The following TBX5 variants were observed in gnomAD, a reference collection of about 807,000 sequenced individuals.
TBX5 encodes the protein T-box transcription factor 5, also known as T-box transcription factor TBX5.
A neutral mutation model predicts 51.1 loss-of-function variants in TBX5; 8 were observed. The ratio of observed to expected loss-of-function variants is 0.16; its 90% CI spans 0.09 to 0.28. The LOEUF (loss-of-function observed/expected upper bound fraction) is 0.28, where lower values mean the gene tolerates loss of function less well. Among genes scored for constraint, TBX5 ranks in the 10% least tolerant of loss-of-function variants. The pLI is 1.00. For missense variants in TBX5, 589 were observed against 671.7 expected, an observed-to-expected ratio of 0.88 and a Z score of 1.36; for synonymous variants, 302 against 266.4, an observed-to-expected ratio of 1.13 and a Z score of -1.30.
At chr12:114,392,651 T>C (rs1402666344) in intron 6 of TBX5, among the ~76,000 whole-genome samples, 4 of 152,178 alleles carry the variant, frequency 2.6e-5, no homozygotes, top group Non-Finnish European at 5.9e-5. Context: ...TCATATATTT[T>C]TGGACCCCAG....
chr12:114,366,965 C>T (rs1334882480), intron 7 of TBX5, among the ~76,000 whole-genome samples: 1 of 152,172 alleles, frequency 6.6e-6, no homozygotes, highest in Non-Finnish European at 1.5e-5. Flanking sequence ...ATATACTTAA[C>T]TTCTCCATAC....
At chr12:114,403,372 T>C (rs1415078019) in intron 2 of TBX5, among the ~76,000 whole-genome samples, 2 of 152,154 alleles carry the variant, frequency 1.3e-5, no homozygotes, top group Non-Finnish European at 2.9e-5. Context: ...GCCGCTGACC[T>C]GGCCCTTATT....
In TBX5 at chr12:114,378,244, G is replaced by A. The variant is rs117279828; in HGVS notation, c.755+7232C>T. Among the ~76,000 whole-genome samples, 7 of 152,280 alleles carry A rather than the reference G, an allele frequency of 4.6e-5. No individual in the cohort carries two copies. In the East Asian group the frequency reaches 1.4e-3, roughly 29 times the overall value. ...CATTGCTCATGGTCATTCTGTGTGAGGTGAGCTAAGAAATACCGAGATGAA... is the reference window on the plus strand; with the variant it reads ...CATTGCTCATGGTCATTCTGTGTGAAGTGAGCTAAGAAATACCGAGATGAA... On this transcript the variant is annotated intron_variant, in intron 7 of 8. Coordinates refer to ENST00000405440, the MANE Select transcript of TBX5 (RefSeq NM_181486.4).
In TBX5 at chr12:114,401,901, A is replaced by T. The variant is rs1287994219; in HGVS notation, c.167T>A (p.Val56Glu). ...FTQQGMEGIK[V>E]FLHERELWLK... is the part of the protein sequence containing the mutation. ...CCACAGTTCTCTTTCATGGAGAAAC[A>T]CTTTGATTCCCTCCATGCCCTGCAA... The change falls in exon 3 of 9, where the codon GTG becomes GAG. Residue 56 changes from valine (V) to glutamate (E), a missense_variant. By Grantham distance (121) the Val-to-Glu change is moderately radical. This residue lies in a region of TBX5 where 101 missense variants were observed against 83.3 expected (regional missense o/e 1.21). Coordinates refer to ENST00000405440, the MANE Select transcript of TBX5 (RefSeq NM_181486.4). The T allele has an allele frequency of 3.1e-6, 5 of 1,614,160 alleles. No homozygotes were observed. The highest frequency in any genetic ancestry group is 4.2e-6 in the Non-Finnish European group (5 of 1,180,016).
chr12:114,404,901 C>G (rs1009434154), intron 1 of TBX5, among the ~76,000 whole-genome samples: 3 of 152,214 alleles, frequency 2.0e-5, no homozygotes, highest in African/African-American at 7.2e-5. Flanking sequence ...AGCCCGGGTC[C>G]CCGCAATGCA....
intron 7 of TBX5, among the ~76,000 whole-genome samples, chr12:114,368,281 G>A (rs763909549): frequency 6.6e-6 from 1 of 152,162 alleles, no homozygotes; most frequent in Non-Finnish European, 1.5e-5. Flanking sequence ...GCTGCAGTGA[G>A]CTATGACTGC....
At position 114,355,301 on chromosome 12, in the gene TBX5, G is replaced by GT; in HGVS notation, c.*230dup. On this transcript the variant is annotated 3_prime_UTR_variant, in exon 9 of 9. Coordinates refer to ENST00000405440, the MANE Select transcript of TBX5 (RefSeq NM_181486.4). ...TGGGGGGTGGGACTCATCTTTTTGT[G>GT]TTTGTTTTTTTAAGTTTTGAGACAA... The GT allele has an allele frequency of 3.2e-6, 2 of 633,566 alleles. No homozygotes were observed. Among genetic ancestry groups the GT allele is most frequent in the Non-Finnish European group, 5.7e-6 (2 of 349,864 alleles). The allele number at this position is 633,566 out of a possible 1,614,324, so 39.2% of individuals were successfully genotyped here.
chr12:114,384,706 AAAAAG>A (rs1042858965), intron 7 of TBX5, among the ~76,000 whole-genome samples: 7 of 108,714 alleles, frequency 6.4e-5, no homozygotes, highest in African/African-American at 1.6e-4. Flanking sequence ...CCAAACAGAA[AAAAAG>A]AAAACACACA....
chr12:114,375,400 T>C (rs1462881975), intron 7 of TBX5, among the ~76,000 whole-genome samples: 1 of 152,090 alleles, frequency 6.6e-6, no homozygotes, highest in Non-Finnish European at 1.5e-5. Flanking sequence ...CTACCAAAAG[T>C]TTGAGAAACA....
intron 6 of TBX5, among the ~76,000 whole-genome samples, chr12:114,386,406 G>A (rs1012267511): frequency 1.3e-5 from 2 of 152,208 alleles, no homozygotes; most frequent in Non-Finnish European, 2.9e-5. Flanking sequence ...AAAATTGCGT[G>A]TGAACTGAAT....
chr12:114,399,365 A>T (rs890342481), intron 4 of TBX5, 148 bp downstream of exon 4: 1 of 1,174,332 alleles, frequency 8.5e-7, no homozygotes, highest in African/African-American at 1.5e-5. Context: ...AATGGTTAGT[A>T]AAAAGCAATG....
At chr12:114,366,462 G>A in intron 7 of TBX5, 71 bp from the exon 8 acceptor site, 1 of 1,484,936 alleles carries the variant, frequency 6.7e-7, no homozygotes, top group South Asian at 1.1e-5. Context: ...GCTGAACCAG[G>A]TGTGAGAGAA....
intron 7 of TBX5, among the ~76,000 whole-genome samples, chr12:114,384,426 C>T (rs1870683262): frequency 6.6e-6 from 1 of 152,098 alleles, no homozygotes; most frequent in African/African-American, 2.4e-5. Context: ...CAGGAACATG[C>T]CACCTGGGCT....
At chr12:114,407,876 G>A (rs1872326738), upstream of TBX5, 2 of 985,426 alleles carry the variant, frequency 2.0e-6, no homozygotes, top group African/African-American at 1.7e-5. Context: ...CTGGAGAGCA[G>A]GGCTCAGGTG....
Position 114,374,700 on chromosome 12 carries a change from G to A in TBX5, c.756-8309C>T, listed in dbSNP as rs529416493. On this transcript the variant is annotated intron_variant, in intron 7 of 8. Coordinates refer to ENST00000405440, the MANE Select transcript of TBX5 (RefSeq NM_181486.4). Reference sequence around the variant, plus strand: ...GCTTGGGTTTCACAGGTATGTGCATGTGCCAAACAGTGAGAGGTGTACTTA... The same window carrying A: ...GCTTGGGTTTCACAGGTATGTGCATATGCCAAACAGTGAGAGGTGTACTTA... 2.0e-5 allele frequency among the ~76,000 whole-genome samples: 3 copies of A among 152,304 alleles called. No individual in the cohort carries two copies. The East Asian group carries it at 5.8e-4, about 29-fold the overall frequency.
Position 114,394,905 on chromosome 12 carries a change from A to G in TBX5, c.511-12T>C, listed in dbSNP as rs773740571. 3 of 1,612,310 alleles carry G rather than the reference A, an allele frequency of 1.9e-6. No individual in the cohort carries two copies. The South Asian group carries it at 3.3e-5, about 18-fold the overall frequency. ...GAATTTAGAATAATCTAAAAATAATAAAGAAAATGAGATTGTAAGAAAATC... is the reference window on the plus strand; with the variant it reads ...GAATTTAGAATAATCTAAAAATAATGAAGAAAATGAGATTGTAAGAAAATC... On this transcript the variant is annotated splice_polypyrimidine_tract_variant and intron_variant, in intron 5 of 8. Transcript: ENST00000405440.
rs1868727521 is a variant in TBX5 at position 114,354,042 on chromosome 12, A to G, written c.*1490T>C. 6.6e-6 allele frequency: 1 copy of G among 152,600 alleles called. No individual in the cohort carries two copies. Among genetic ancestry groups the G allele is most frequent in the Non-Finnish European group, 1.5e-5 (1 of 68,052 alleles). 9.5% of individuals were successfully genotyped at this position (152,600 alleles called of 1,614,324 possible). On this transcript the variant is annotated 3_prime_UTR_variant, in exon 9 of 9. Transcript: ENST00000405440. ...GCAACGTAAAGAGACATAATCGCAT[A>G]GGGACACTCACTTACAAACACACTC...
intron 5 of TBX5, among the ~76,000 whole-genome samples, chr12:114,396,202 C>T (rs1871414064): frequency 6.6e-6 from 1 of 151,632 alleles, no homozygotes; most frequent in African/African-American, 2.4e-5. Context: ...TGCCCGACCC[C>T]GGGCCGCGCG....
At chr12:114,390,206 C>T (rs929987588) in intron 6 of TBX5, among the ~76,000 whole-genome samples, 7 of 152,174 alleles carry the variant, frequency 4.6e-5, no homozygotes, top group Admixed American at 4.6e-4. Context: ...AAGAATTACC[C>T]TTGAGAAATG....
Sources: gnomAD v4.1 joint callset for allele counts (sites outside exome capture counted in the v4.1 genomes callset) on GRCh38, gnomAD v4.1.1 for gene constraint, gnomAD v4.1.1 regional missense constraint, MANE v1.5 for transcripts, NCBI Gene and HGNC (gene_info 2026-07-23, HGNC 2026-07-21) for gene names.